Variants in PARN observed in about 807,000 individuals in gnomAD.
The protein encoded by PARN is poly(A)-specific ribonuclease, also known as poly(A)-specific ribonuclease PARN.
In PARN, 71 loss-of-function variants were observed where a neutral mutation model predicts 102.8. That is an observed-to-expected ratio of 0.69 (90% confidence interval 0.57 to 0.84). The LOEUF is 0.84. PARN is among the 40% of genes least tolerant of loss of function. The probability of loss-of-function intolerance (pLI) is 0.00; values close to 1 mark genes in which losing one functional copy is unlikely to be tolerated. For synonymous variants in PARN, 261 were observed against 252.9 expected (o/e 1.03, Z -0.30); for missense variants, 782 against 760.9 (o/e 1.03, Z -0.33).
At chr16:14,509,456 A>T (rs1014705944) in intron 21 of PARN, among the ~76,000 whole-genome samples, 21 of 152,230 alleles carry the variant, frequency 1.4e-4, no homozygotes, top group Non-Finnish European at 2.9e-5. Context: ...TTTGGCTAAC[A>T]GTTTATTTTA....
At chr16:14,550,733 AG>A (rs1422358646) in intron 21 of PARN, among the ~76,000 whole-genome samples, 2 of 152,238 alleles carry the variant, frequency 1.3e-5, no homozygotes, top group East Asian at 3.8e-4. Context: ...ATTTTGTTAA[AG>A]TAAAAAACAA....
At chr16:14,528,352 G>A (rs1447625027) in intron 21 of PARN, among the ~76,000 whole-genome samples, 1 of 152,236 alleles carries the variant, frequency 6.6e-6, no homozygotes, top group Non-Finnish European at 1.5e-5. Flanking sequence ...ACTGTAGGAA[G>A]CCATGGGAAA....
intron 22 of PARN, among the ~76,000 whole-genome samples, chr16:14,476,762 C>G (rs1963074218): frequency 6.6e-6 from 1 of 152,138 alleles, no homozygotes; most frequent in Admixed American, 6.5e-5. Flanking sequence ...GCCACGTGGG[C>G]CGGATTTGGT....
At chr16:14,612,471 C>G (rs1236918061) in intron 6 of PARN, among the ~76,000 whole-genome samples, 5 of 152,008 alleles carry the variant, frequency 3.3e-5, no homozygotes, top group Non-Finnish European at 7.4e-5. Flanking sequence ...AAACACCTTG[C>G]TATTTGGTTC....
intron 17 of PARN, among the ~76,000 whole-genome samples, chr16:14,581,219 ATTT>A (rs922480007): frequency 7.9e-4 from 120 of 152,102 alleles, no homozygotes; most frequent in African/African-American, 2.8e-3. Flanking sequence ...TGCCCAGCTA[ATTT>A]TGTATTTTTA....
chr16:14,603,612 T>C (rs559174614), intron 11 of PARN, among the ~76,000 whole-genome samples: 2 of 152,294 alleles, frequency 1.3e-5, no homozygotes, highest in Admixed American at 6.5e-5. Flanking sequence ...CCAGATTCCA[T>C]CTACACTGCT....
chr16:14,472,622 A>C (rs567849540), intron 22 of PARN, among the ~76,000 whole-genome samples: 1 of 152,264 alleles, frequency 6.6e-6, no homozygotes, highest in Non-Finnish European at 1.5e-5. Context: ...AGGCACAAAA[A>C]ACATGGCACC....
chr16:14,567,922 G>A (rs1968526210), intron 18 of PARN, among the ~76,000 whole-genome samples: 1 of 152,196 alleles, frequency 6.6e-6, no homozygotes, highest in Non-Finnish European at 1.5e-5. Context: ...TGCAAAGACA[G>A]TTATAAAGTG....
At chr16:14,595,588 G>A (rs972908613) in intron 12 of PARN, among the ~76,000 whole-genome samples, 4 of 151,380 alleles carry the variant, frequency 2.6e-5, no homozygotes, top group East Asian at 3.9e-4. Context: ...GCTGGAGTGC[G>A]GTGGCATAAT....
At chr16:14,614,564 T>A (rs1365744186) in intron 6 of PARN, among the ~76,000 whole-genome samples, 1 of 151,782 alleles carries the variant, frequency 6.6e-6, no homozygotes, top group African/African-American at 2.4e-5. Flanking sequence ...CAAAAGAAAA[T>A]TCAGGGGCCA....
At chr16:14,460,153 A>C (rs1248955045) in intron 22 of PARN, among the ~76,000 whole-genome samples, 2 of 152,228 alleles carry the variant, frequency 1.3e-5, no homozygotes, top group African/African-American at 4.8e-5. Context: ...TTAATTATAA[A>C]GCCAATTTTT....
At chr16:14,619,830 C>T (rs1011798557) in intron 5 of PARN, among the ~76,000 whole-genome samples, 1 of 149,938 alleles carries the variant, frequency 6.7e-6, no homozygotes, top group African/African-American at 2.5e-5. Flanking sequence ...CCAGCACTTT[C>T]GGAGGCTGAG....
At chr16:14,469,360 T>C (rs1370908729) in intron 22 of PARN, among the ~76,000 whole-genome samples, 4 of 152,210 alleles carry the variant, frequency 2.6e-5, no homozygotes. Flanking sequence ...TAAACACCCA[T>C]ATACCCATCA....
chr16:14,436,907 C>A (rs1439489798), intron 23 of PARN, 135 bp from the exon 24 acceptor site: 1 of 666,220 alleles, frequency 1.5e-6, no homozygotes, highest in Non-Finnish European at 2.7e-6. Context: ...AACAGCTGCG[C>A]TGGAAAGAGT....
At chr16:14,525,165 G>T (rs1965930998) in intron 21 of PARN, among the ~76,000 whole-genome samples, 1 of 152,188 alleles carries the variant, frequency 6.6e-6, no homozygotes, top group Non-Finnish European at 1.5e-5. Context: ...TCCGGATTAA[G>T]TTCTTAAGCT....
chr16:14,584,495 C>A, intron 15 of PARN, 73 bp from the exon 16 acceptor site: 4 of 1,213,528 alleles, frequency 3.3e-6, no homozygotes, highest in East Asian at 4.7e-5. Flanking sequence ...TTCACTGACC[C>A]CCCCAAAAAA....
intron 23 of PARN, among the ~76,000 whole-genome samples, chr16:14,443,843 G>C (rs1221382287): frequency 1.3e-5 from 2 of 151,870 alleles, no homozygotes; most frequent in African/African-American, 4.8e-5. Flanking sequence ...GATCTGTTGA[G>C]TACCTGCTGA....
At chr16:14,516,602 A>C (rs1013161134) in intron 21 of PARN, among the ~76,000 whole-genome samples, 1 of 152,220 alleles carries the variant, frequency 6.6e-6, no homozygotes, top group Admixed American at 6.5e-5. Context: ...CATTTGAATC[A>C]AGGGTTCTTT....
At chr16:14,567,576 T>A (rs769285276) in intron 18 of PARN, among the ~76,000 whole-genome samples, 1 of 152,166 alleles carries the variant, frequency 6.6e-6, no homozygotes, top group African/African-American at 2.4e-5. Context: ...AGCACATTAA[T>A]ATAAAATTAA....
Sources: gnomAD v4.1 joint callset for allele counts (sites outside exome capture counted in the v4.1 genomes callset) on GRCh38, gnomAD v4.1.1 for gene constraint, MANE v1.5 for transcripts, NCBI Gene and HGNC (gene_info 2026-07-23, HGNC 2026-07-21) for gene names.